Variants in SHISA9 observed in about 807,000 individuals in gnomAD.
The protein encoded by SHISA9 is shisa family member 9.
In SHISA9, 13 loss-of-function variants were observed where a neutral mutation model predicts 38.0. The ratio of observed to expected loss-of-function variants is 0.34; its 90% CI spans 0.22 to 0.54. SHISA9 has a LOEUF of 0.54. Among genes scored for constraint, SHISA9 ranks in the 20% least tolerant of loss-of-function variants. The pLI, the probability that SHISA9 is intolerant of heterozygous loss-of-function variation, is 0.91. For missense variants in SHISA9, 538 were observed against 575.8 expected (o/e 0.93, Z 0.67); for synonymous variants, 275 against 242.0 (o/e 1.14, Z -1.27).
At chr16:13,208,363 A>T (rs530408940) in intron 3 of SHISA9, among the ~76,000 whole-genome samples, 49 of 148,032 alleles carry the variant, frequency 3.3e-4, no homozygotes, top group Admixed American at 2.0e-4. Flanking sequence ...ATTTTATTGT[A>T]TTTTATTTTT....
At chr16:13,374,622 A>G in the SHISA9 span, among the ~76,000 whole-genome samples, 9 of 152,188 alleles carry the variant, frequency 5.9e-5, no homozygotes, top group Admixed American at 2.0e-4. Flanking sequence ...GCTGCAATAA[A>G]CATATGTGTG....
chr16:13,148,524 A>G (rs2050468240), intron 2 of SHISA9, among the ~76,000 whole-genome samples: 1 of 152,082 alleles, frequency 6.6e-6, no homozygotes, highest in Admixed American at 6.6e-5. Flanking sequence ...TATCGACACC[A>G]TCTCACCAAA....
intron 2 of SHISA9, among the ~76,000 whole-genome samples, chr16:13,153,292 C>T (rs1487952168): frequency 5.3e-5 from 8 of 151,980 alleles, no homozygotes; most frequent in Non-Finnish European, 1.2e-4. Context: ...CAAAAAAAAC[C>T]ACATGCCTAT....
chr16:13,284,055 C>T, the SHISA9 span, among the ~76,000 whole-genome samples: 26 of 152,302 alleles, frequency 1.7e-4, no homozygotes, highest in South Asian at 5.4e-3. Context: ...TTAAACATTA[C>T]TCATGAATTC....
At chr16:13,322,115 C>CTACG in the SHISA9 span, among the ~76,000 whole-genome samples, 1 of 152,188 alleles carries the variant, frequency 6.6e-6, no homozygotes, top group South Asian at 2.1e-4. Flanking sequence ...ATATTGCCAG[C>CTACG]TACGTAGTAT....
At chr16:12,952,823 T>C (rs890524142) in intron 2 of SHISA9, among the ~76,000 whole-genome samples, 2 of 152,186 alleles carry the variant, frequency 1.3e-5, no homozygotes, top group Non-Finnish European at 2.9e-5. Context: ...CTTCATAAAT[T>C]ACCCAGTCTC....
chr16:13,020,493 A>C (rs1453777545), intron 2 of SHISA9, among the ~76,000 whole-genome samples: 4 of 152,164 alleles, frequency 2.6e-5, no homozygotes, highest in African/African-American at 9.7e-5. Context: ...AGTTTGCTAA[A>C]GATAATGGCC....
intron 2 of SHISA9, among the ~76,000 whole-genome samples, chr16:13,021,882 A>G (rs1596591391): frequency 1.3e-5 from 2 of 152,190 alleles, no homozygotes; most frequent in Non-Finnish European, 2.9e-5. Context: ...GTAGTGTCCT[A>G]GGGCTGCCGT....
chr16:13,139,963 G>C (rs1246702456), intron 2 of SHISA9, among the ~76,000 whole-genome samples: 1 of 152,180 alleles, frequency 6.6e-6, no homozygotes, highest in East Asian at 1.9e-4. Flanking sequence ...CCTCTCACCT[G>C]ACTGCCCAGC....
the SHISA9 span, among the ~76,000 whole-genome samples, chr16:13,299,483 G>A: frequency 6.6e-6 from 1 of 152,130 alleles, no homozygotes; most frequent in East Asian, 1.9e-4. Flanking sequence ...GGAGGCTGAG[G>A]TGGGCGGATC....
At chr16:13,204,076 CTTATCTA>C (rs1209677854) in intron 3 of SHISA9, among the ~76,000 whole-genome samples, 3 of 152,042 alleles carry the variant, frequency 2.0e-5, no homozygotes, top group African/African-American at 7.3e-5. Context: ...TACCTATCCA[CTTATCTA>C]TTATCTATCT....
the SHISA9 span, among the ~76,000 whole-genome samples, chr16:13,558,768 A>G: frequency 6.6e-6 from 1 of 152,232 alleles, no homozygotes; most frequent in Admixed American, 6.5e-5. Flanking sequence ...ATGGCACTAA[A>G]CAGACTACAA....
At chr16:12,906,993 C>G (rs1370175177) in intron 1 of SHISA9, among the ~76,000 whole-genome samples, 3 of 152,086 alleles carry the variant, frequency 2.0e-5, no homozygotes, top group African/African-American at 7.2e-5. Context: ...TTATTGCTCA[C>G]ACACTCTTTC....
chr16:13,364,762 A>G, the SHISA9 span, among the ~76,000 whole-genome samples: 902 of 152,320 alleles, frequency 5.9e-3, 14 homozygotes, highest in African/African-American at 0.021. Flanking sequence ...CTTGAATAAT[A>G]TGAATGACAG....
chr16:12,981,756 A>C (rs1321338288), intron 2 of SHISA9, among the ~76,000 whole-genome samples: 1 of 152,184 alleles, frequency 6.6e-6, no homozygotes, highest in African/African-American at 2.4e-5. Flanking sequence ...GAGGTAATTA[A>C]GGTCAAATGA....
At chr16:13,295,370 C>G in the SHISA9 span, among the ~76,000 whole-genome samples, 1 of 152,118 alleles carries the variant, frequency 6.6e-6, no homozygotes, top group African/African-American at 2.4e-5. Flanking sequence ...CTCAGTGGCT[C>G]CAGGCCTCCT....
the SHISA9 span, among the ~76,000 whole-genome samples, chr16:13,390,920 C>T: frequency 6.6e-6 from 1 of 152,152 alleles, no homozygotes; most frequent in Non-Finnish European, 1.5e-5. Context: ...ATGCATGTGG[C>T]ATATCTTGAT....
chr16:13,154,128 C>A (rs1408699948), intron 2 of SHISA9, among the ~76,000 whole-genome samples: 1 of 152,148 alleles, frequency 6.6e-6, no homozygotes, highest in Non-Finnish European at 1.5e-5. Context: ...TTCTTCTACA[C>A]CTATCTCATT....
chr16:13,543,588 A>G, the SHISA9 span, among the ~76,000 whole-genome samples: 1 of 151,758 alleles, frequency 6.6e-6, no homozygotes, highest in African/African-American at 2.4e-5. Context: ...CAGGGCCATC[A>G]CTCCCCACAC....
Sources: allele counts gnomAD v4.1 joint callset (sites outside exome capture counted in the v4.1 genomes callset), GRCh38; gene constraint gnomAD v4.1.1; transcripts MANE v1.5; gene names NCBI Gene and HGNC (gene_info 2026-07-23, HGNC 2026-07-21).